The following PCED1B variants were observed in gnomAD, a reference collection of about 807,000 sequenced individuals.
The protein encoded by PCED1B is PC-esterase domain-containing protein 1B.
For missense variants in PCED1B, 573 were observed against 573.9 expected (o/e 1.00, Z 0.02); for synonymous variants, 251 against 246.1 (o/e 1.02, Z -0.19).
At chr12:47,190,569 A>G (rs10785667) in intron 2 of PCED1B, among the ~76,000 whole-genome samples, 64,886 of 152,134 alleles carry the variant, frequency 0.43, 16,836 homozygotes, top group South Asian at 0.59. Context: ...CAAATCCTGC[A>G]TCTGGGATAC....
chr12:47,205,358 G>A (rs1029434595), intron 2 of PCED1B, among the ~76,000 whole-genome samples: 1 of 152,138 alleles, frequency 6.6e-6, no homozygotes, highest in South Asian at 2.1e-4. Context: ...TTATCCCCAG[G>A]AGCAATTTGG....
chr12:47,169,400 CAG>C (rs56946597), intron 2 of PCED1B, among the ~76,000 whole-genome samples: 2,317 of 152,222 alleles, frequency 0.015, 61 homozygotes, highest in African/African-American at 0.053. Context: ...AAGAAAGTGT[CAG>C]AGTGTCCTTT....
chr12:47,111,022 C>A (rs577037838), intron 2 of PCED1B, among the ~76,000 whole-genome samples: 1 of 152,322 alleles, frequency 6.6e-6, no homozygotes, highest in South Asian at 2.1e-4. Context: ...CATTTCTCCT[C>A]CCACTGAATT....
chr12:47,163,487 C>A (rs1161015861), intron 2 of PCED1B, among the ~76,000 whole-genome samples: 2 of 152,092 alleles, frequency 1.3e-5, no homozygotes, highest in South Asian at 4.1e-4. Context: ...TTGCTTTGTG[C>A]CTGATTTTAG....
At chr12:47,195,719 A>G (rs1320443521) in intron 2 of PCED1B, among the ~76,000 whole-genome samples, 1 of 152,250 alleles carries the variant, frequency 6.6e-6, no homozygotes, top group Non-Finnish European at 1.5e-5. Context: ...AGGAAGATCT[A>G]AGAAAATCAT....
intron 1 of PCED1B, among the ~76,000 whole-genome samples, chr12:47,097,292 C>T (rs1253469865): frequency 6.6e-6 from 1 of 152,154 alleles, no homozygotes; most frequent in African/African-American, 2.4e-5. Flanking sequence ...CATTTAATTA[C>T]AACTTCTTAA....
At chr12:47,177,680 G>A (rs914091056) in intron 2 of PCED1B, among the ~76,000 whole-genome samples, 9 of 152,194 alleles carry the variant, frequency 5.9e-5, no homozygotes, top group Admixed American at 2.6e-4. Flanking sequence ...TGGGCCAGGT[G>A]CAGTAGCTCA....
At chr12:47,143,631 A>G (rs1940677806) in intron 2 of PCED1B, among the ~76,000 whole-genome samples, 1 of 152,226 alleles carries the variant, frequency 6.6e-6, no homozygotes, top group South Asian at 2.1e-4. Context: ...CAGAAAAATC[A>G]TATTGCCAAA....
intron 2 of PCED1B, among the ~76,000 whole-genome samples, chr12:47,125,731 G>T (rs1486689650): frequency 6.6e-6 from 1 of 152,058 alleles, no homozygotes; most frequent in Non-Finnish European, 1.5e-5. Flanking sequence ...GCTTTTGTCA[G>T]ATTCGTTCCT....
chr12:47,216,988 G>A (rs557716601), intron 3 of PCED1B, among the ~76,000 whole-genome samples: 2 of 152,276 alleles, frequency 1.3e-5, no homozygotes, highest in East Asian at 3.9e-4. Context: ...GTATGTTGTG[G>A]TTGACCACAA....
At chr12:47,091,185 G>A (rs531961226) in intron 1 of PCED1B, among the ~76,000 whole-genome samples, 16 of 152,038 alleles carry the variant, frequency 1.1e-4, no homozygotes, top group South Asian at 1.0e-3. Flanking sequence ...ATTCCTTCAC[G>A]TCCTTGTCAA....
At chr12:47,196,555 C>G (rs1352765473) in intron 2 of PCED1B, among the ~76,000 whole-genome samples, 2 of 152,210 alleles carry the variant, frequency 1.3e-5, no homozygotes, top group African/African-American at 4.8e-5. Flanking sequence ...GGGCTGGGCA[C>G]CGTGGCTCAC....
intron 2 of PCED1B, among the ~76,000 whole-genome samples, chr12:47,125,569 T>C (rs77774533): frequency 0.023 from 3,489 of 152,124 alleles, 110 homozygotes; most frequent in East Asian, 0.076. Flanking sequence ...ATGATTGAGA[T>C]TGTGTTCAAT....
At chr12:47,168,842 T>C (rs964757040) in intron 2 of PCED1B, among the ~76,000 whole-genome samples, 1 of 152,200 alleles carries the variant, frequency 6.6e-6, no homozygotes, top group African/African-American at 2.4e-5. Flanking sequence ...TTTTTTCTTA[T>C]TTCTGAGTTT....
intron 3 of PCED1B, among the ~76,000 whole-genome samples, chr12:47,231,232 A>G (rs567101648): frequency 1.1e-3 from 166 of 152,312 alleles, no homozygotes; most frequent in African/African-American, 3.8e-3. Flanking sequence ...ATTTTTTTAC[A>G]TGTACATGGG....
rs1592337987 is a variant in PCED1B at position 47,236,572 on chromosome 12, G to A, written c.*210G>A. ...GCTGCAGCCTCTTCCCCACTTCCTG[G>A]GAGTGACCCAGCGTTATTCCTGCCT... On this transcript the variant is annotated 3_prime_UTR_variant, in exon 4 of 4. Coordinates refer to ENST00000546455, the MANE Select transcript of PCED1B (RefSeq NM_138371.3). 3.8e-6 allele frequency: 2 copies of A among 528,070 alleles called. No homozygotes were observed. The highest frequency in any genetic ancestry group is 1.9e-5 in the African/African-American group (1 of 51,574). 32.7% of individuals were successfully genotyped at this position (528,070 alleles called of 1,614,324 possible).
At chr12:47,229,025 A>C (rs1259313287) in intron 3 of PCED1B, among the ~76,000 whole-genome samples, 1 of 151,982 alleles carries the variant, frequency 6.6e-6, no homozygotes, top group Non-Finnish European at 1.5e-5. Flanking sequence ...CAAGCAGAAC[A>C]AATATTGTAA....
intron 1 of PCED1B, among the ~76,000 whole-genome samples, chr12:47,099,668 T>G (rs2137211543): frequency 6.6e-6 from 1 of 152,304 alleles, no homozygotes; most frequent in East Asian, 1.9e-4. Context: ...TGTACTTCTG[T>G]GAGATCTCCT....
At chr12:47,097,783 A>G (rs1466111326) in intron 1 of PCED1B, among the ~76,000 whole-genome samples, 1 of 152,186 alleles carries the variant, frequency 6.6e-6, no homozygotes, top group Non-Finnish European at 1.5e-5. Context: ...TTTCGGATGA[A>G]TGAATGAAAA....
Sources: allele counts gnomAD v4.1 joint callset (sites outside exome capture counted in the v4.1 genomes callset), GRCh38; gene constraint gnomAD v4.1.1; transcripts MANE v1.5; gene names NCBI Gene and HGNC (gene_info 2026-07-23, HGNC 2026-07-21).